The following LIFR variants were observed in gnomAD, a reference collection of about 807,000 sequenced individuals.
LIFR encodes the protein LIF receptor subunit alpha.
A neutral mutation model predicts 122.2 loss-of-function variants in LIFR; 84 were observed. The observed-to-expected ratio is 0.69, with a 90% confidence interval of 0.58 to 0.82. LIFR has a LOEUF of 0.82. LIFR is among the 40% of genes least tolerant of loss of function. The pLI is 0.00. For synonymous variants in LIFR, 422 were observed against 434.7 expected (o/e 0.97, Z 0.36); for missense variants, 1,294 against 1,311.6 (o/e 0.99, Z 0.21).
intron 1 of LIFR, among the ~76,000 whole-genome samples, chr5:38,569,617 G>A (rs1325813495): frequency 4.6e-5 from 7 of 152,148 alleles, no homozygotes; most frequent in Non-Finnish European, 7.3e-5. Context: ...ACCCCAGTCC[G>A]TGGAGACATT....
At chr5:38,545,173 G>C (rs1303708079) in intron 1 of LIFR, among the ~76,000 whole-genome samples, 3 of 151,914 alleles carry the variant, frequency 2.0e-5, no homozygotes, top group Non-Finnish European at 4.4e-5. Flanking sequence ...AGGAGGCTGA[G>C]ACAGGAGACT....
At chr5:38,500,214 TTTA>T (rs1745105738) in intron 11 of LIFR, among the ~76,000 whole-genome samples, 1 of 152,176 alleles carries the variant, frequency 6.6e-6, no homozygotes, top group African/African-American at 2.4e-5. Context: ...TATATATAAA[TTTA>T]TTTCTAGTCC....
chr5:38,511,663 G>C (rs576836562), intron 6 of LIFR, 127 bp downstream of exon 6: 11 of 859,998 alleles, frequency 1.3e-5, no homozygotes, highest in Non-Finnish European at 2.1e-5. Context: ...GGTGGGCTTA[G>C]ACGCTCCCAG....
intron 5 of LIFR, among the ~76,000 whole-genome samples, chr5:38,513,459 T>G (rs2731959): frequency 6.6e-6 from 1 of 152,108 alleles, no homozygotes; most frequent in Non-Finnish European, 1.5e-5. Flanking sequence ...GGACTACCTT[T>G]GTTTACCTTG....
At chr5:38,574,060 G>A (rs907250858) in intron 1 of LIFR, among the ~76,000 whole-genome samples, 7 of 152,086 alleles carry the variant, frequency 4.6e-5, no homozygotes, top group South Asian at 2.1e-4. Context: ...AGGTTGCAGT[G>A]AGCCGAGATG....
At chr5:38,569,335 G>C (rs770881614) in intron 1 of LIFR, among the ~76,000 whole-genome samples, 1 of 151,950 alleles carries the variant, frequency 6.6e-6, no homozygotes, top group Non-Finnish European at 1.5e-5. Flanking sequence ...CCTACTGCAG[G>C]GTTCACTGGA....
rs1411609402 is a variant in LIFR at position 38,506,014 on chromosome 5, T to G, written c.1182A>C (p.Gln394His). The change falls in exon 9 of 20, where the codon CAA becomes CAC. Residue 394 changes from glutamine (Q) to histidine (H), a missense_variant. Coordinates refer to ENST00000453190, the MANE Select transcript of LIFR (RefSeq NM_001127671.2). The part of the protein sequence containing the change: ...RAEAPTNESY[Q>H]LLFQMLPNQE... ...GATTTGGAAGCATTTGAAATAATAA[T>G]TGATAGCTTTCGTTTGTAGGTGCTT... 2.0e-5 allele frequency: 32 copies of G among 1,608,328 alleles called. No homozygotes were observed. Among genetic ancestry groups the G allele is most frequent in the Non-Finnish European group, 2.7e-5 (32 of 1,176,234 alleles).
intron 1 of LIFR, among the ~76,000 whole-genome samples, chr5:38,574,119 A>G (rs1749306209): frequency 6.6e-6 from 1 of 152,014 alleles, no homozygotes; most frequent in South Asian, 2.1e-4. Flanking sequence ...CCATCTCAAA[A>G]AAACACAACA....
At chr5:38,501,612 C>T (rs1378180984) in intron 11 of LIFR, among the ~76,000 whole-genome samples, 2 of 151,902 alleles carry the variant, frequency 1.3e-5, no homozygotes, top group Non-Finnish European at 2.9e-5. Context: ...ATTAGCCGGG[C>T]GTGGTGGTGG....
chr5:38,518,809 G>A (rs1390217638), intron 5 of LIFR, among the ~76,000 whole-genome samples: 1 of 152,192 alleles, frequency 6.6e-6, no homozygotes, highest in Non-Finnish European at 1.5e-5. Context: ...ATGGTTACCA[G>A]AGGAGATGAC....
At chr5:38,508,528 C>T (rs1299194798) in intron 7 of LIFR, among the ~76,000 whole-genome samples, 1 of 151,718 alleles carries the variant, frequency 6.6e-6, no homozygotes, top group Admixed American at 6.5e-5. Context: ...GGTGTGTGTG[C>T]ACGCAGACGT....
upstream of LIFR, among the ~76,000 whole-genome samples, chr5:38,561,177 T>C (rs962397142): frequency 1.3e-5 from 2 of 152,182 alleles, no homozygotes; most frequent in Admixed American, 6.5e-5. Flanking sequence ...TTAAGGGTAC[T>C]TACCTGAGCG....
intron 1 of LIFR, among the ~76,000 whole-genome samples, chr5:38,545,651 A>G (rs1400104035): frequency 6.6e-6 from 1 of 152,114 alleles, no homozygotes; most frequent in Non-Finnish European, 1.5e-5. Flanking sequence ...TCACGAGGTC[A>G]GGAAATCAAG....
chr5:38,528,681 G>T, intron 3 of LIFR, 45 bp downstream of exon 3: 1 of 1,142,470 alleles, frequency 8.8e-7, no homozygotes, highest in Non-Finnish European at 1.3e-6. Flanking sequence ...GGTCGTTTCT[G>T]CAATTCAACC....
intron 14 of LIFR, chr5:38,490,503 A>C (rs1412023033): frequency 3.3e-6 from 1 of 300,534 alleles, no homozygotes; most frequent in East Asian, 6.1e-5. Flanking sequence ...TTTAACAAAA[A>C]GTTTAGTAAT....
intron 1 of LIFR, among the ~76,000 whole-genome samples, chr5:38,574,649 A>T (rs974503463): frequency 2.0e-5 from 3 of 152,064 alleles, no homozygotes; most frequent in African/African-American, 7.2e-5. Context: ...GCAAGTTCGA[A>T]CTCAGGTCTT....
intron 7 of LIFR, among the ~76,000 whole-genome samples, chr5:38,509,080 A>G (rs1306686133): frequency 6.6e-6 from 1 of 152,194 alleles, no homozygotes; most frequent in Non-Finnish European, 1.5e-5. Flanking sequence ...TTATAAATGA[A>G]GGTTAAACTA....
intron 1 of LIFR, among the ~76,000 whole-genome samples, chr5:38,542,682 G>T (rs1032392568): frequency 2.0e-5 from 3 of 152,086 alleles, no homozygotes; most frequent in South Asian, 2.1e-4. Context: ...TCCTCACAGT[G>T]GCCCCGTGCT....
At chr5:38,537,226 G>A (rs556579829) in intron 1 of LIFR, among the ~76,000 whole-genome samples, 22 of 152,078 alleles carry the variant, frequency 1.4e-4, no homozygotes, top group Non-Finnish European at 7.3e-5. Context: ...ACAGCCCTTC[G>A]AGACGGCCAT....
Sources: gnomAD v4.1 joint callset for allele counts (sites outside exome capture counted in the v4.1 genomes callset) on GRCh38, gnomAD v4.1.1 for gene constraint, MANE v1.5 for transcripts, NCBI Gene and HGNC (gene_info 2026-07-23, HGNC 2026-07-21) for gene names.